Variants in SLC24A3 observed in about 807,000 individuals in gnomAD.
SLC24A3 encodes sodium/potassium/calcium exchanger 3.
SLC24A3 carries 28 observed loss-of-function variants against 75.8 expected under a neutral mutation model. The observed-to-expected ratio is 0.37, with a 90% CI of 0.27 to 0.51. The LOEUF (loss-of-function observed/expected upper bound fraction) is 0.51, where lower values mean the gene tolerates loss of function less well. Among genes scored for constraint, SLC24A3 ranks in the 20% least tolerant of loss-of-function variants. The pLI is 0.94. For missense variants in SLC24A3, 663 were observed against 847.8 expected, an observed-to-expected ratio of 0.78 and a Z score of 2.71; for synonymous variants, 372 against 334.1, an observed-to-expected ratio of 1.11 and a Z score of -1.24.
At chr20:19,301,732 A>G (rs1313990696) in intron 2 of SLC24A3, among the ~76,000 whole-genome samples, 1 of 152,022 alleles carries the variant, frequency 6.6e-6, no homozygotes, top group Admixed American at 6.6e-5. Flanking sequence ...CTTATGTGAC[A>G]TGGTTTGATG....
chr20:19,626,636 C>T (rs1400881429), intron 6 of SLC24A3, among the ~76,000 whole-genome samples: 1 of 152,118 alleles, frequency 6.6e-6, no homozygotes, highest in African/African-American at 2.4e-5. Context: ...ATGTATAGTC[C>T]TTAATGCTGG....
chr20:19,417,553 T>C (rs1986848919), intron 2 of SLC24A3, among the ~76,000 whole-genome samples: 1 of 152,174 alleles, frequency 6.6e-6, no homozygotes, highest in African/African-American at 2.4e-5. Context: ...CTGATTCACA[T>C]TGAGAAACCT....
At chr20:19,552,682 T>C (rs934437080) in intron 3 of SLC24A3, among the ~76,000 whole-genome samples, 78 of 152,330 alleles carry the variant, frequency 5.1e-4, no homozygotes, top group South Asian at 8.3e-4. Flanking sequence ...GGTTAAACAA[T>C]TCAAAAGATT....
intron 6 of SLC24A3, among the ~76,000 whole-genome samples, chr20:19,651,799 T>G (rs1018783391): frequency 2.0e-5 from 3 of 148,014 alleles, no homozygotes; most frequent in Non-Finnish European, 3.0e-5. Context: ...AGGCAGAGCT[T>G]GCAGTGAGCC....
At chr20:19,603,596 T>C (rs1234130954) in intron 6 of SLC24A3, among the ~76,000 whole-genome samples, 1 of 152,210 alleles carries the variant, frequency 6.6e-6, no homozygotes, top group Non-Finnish European at 1.5e-5. Context: ...ACTTGGCAGT[T>C]GTTTGAAAGC....
intron 3 of SLC24A3, among the ~76,000 whole-genome samples, chr20:19,550,494 C>G (rs537701542): frequency 5.3e-5 from 8 of 152,146 alleles, no homozygotes; most frequent in Non-Finnish European, 7.3e-5. Context: ...GTTCTACCTT[C>G]TTGACTTATG....
chr20:19,677,293 CAAAA>C (rs5840854), intron 9 of SLC24A3, among the ~76,000 whole-genome samples: 2 of 102,630 alleles, frequency 1.9e-5, no homozygotes, highest in African/African-American at 3.3e-5. Context: ...GACCCCGTTC[CAAAA>C]AAAAAAAAAA....
chr20:19,500,187 C>A (rs1988363532), intron 2 of SLC24A3, among the ~76,000 whole-genome samples: 1 of 152,118 alleles, frequency 6.6e-6, no homozygotes, highest in Non-Finnish European at 1.5e-5. Context: ...TGGAAAGAAC[C>A]ATTTACCTGA....
chr20:19,686,003 A>G (rs767179103), intron 12 of SLC24A3, among the ~76,000 whole-genome samples: 22 of 152,198 alleles, frequency 1.4e-4, no homozygotes, highest in Non-Finnish European at 3.1e-4. Flanking sequence ...AGACAAATGT[A>G]AGTTTCGCAA....
intron 7 of SLC24A3, among the ~76,000 whole-genome samples, chr20:19,656,431 A>T (rs1252540279): frequency 6.6e-6 from 1 of 152,120 alleles, no homozygotes; most frequent in African/African-American, 2.4e-5. Flanking sequence ...ATTTAAGGAC[A>T]TACATGAACT....
At position 19,680,304 on chromosome 20, in the gene SLC24A3, A is replaced by G. The variant is rs1184039340; in HGVS notation, c.768-1554A>G. 3.3e-5 allele frequency among the ~76,000 whole-genome samples: 5 copies of G among 151,304 alleles called. No individual in the cohort carries two copies. In the East Asian group the frequency reaches 5.8e-4, roughly 18 times the overall value. On this transcript the variant is annotated intron_variant, in intron 9 of 16. Coordinates refer to ENST00000328041, the MANE Select transcript of SLC24A3 (RefSeq NM_020689.4). ...TGATTATATCCCATGCTGTGGTGCA[A>G]TCTGTTCCCTTGGCCTATGTGTTTC...
At chr20:19,657,358 G>A (rs554073788) in intron 7 of SLC24A3, among the ~76,000 whole-genome samples, 95 of 152,254 alleles carry the variant, frequency 6.2e-4, no homozygotes, top group African/African-American at 2.2e-3. Context: ...GTAGGGCCTG[G>A]GAAATTGCAT....
chr20:19,647,736 G>T (rs984026778), intron 6 of SLC24A3, among the ~76,000 whole-genome samples: 2 of 152,200 alleles, frequency 1.3e-5, no homozygotes, highest in African/African-American at 4.8e-5. Context: ...GCATCTCCAG[G>T]TCATTATGAG....
intron 2 of SLC24A3, among the ~76,000 whole-genome samples, chr20:19,489,557 C>G (rs1293322342): frequency 2.0e-5 from 3 of 152,096 alleles, no homozygotes; most frequent in Admixed American, 1.3e-4. Context: ...ATATTTCTCT[C>G]TTTTATGGAT....
intron 3 of SLC24A3, among the ~76,000 whole-genome samples, chr20:19,568,084 G>A (rs2030989493): frequency 6.6e-6 from 1 of 152,168 alleles, no homozygotes; most frequent in African/African-American, 2.4e-5. Context: ...ACCACAGTAA[G>A]ATACCACTTC....
At chr20:19,419,368 T>C (rs1479312544) in intron 2 of SLC24A3, among the ~76,000 whole-genome samples, 4 of 125,404 alleles carry the variant, frequency 3.2e-5, no homozygotes, top group Non-Finnish European at 1.6e-5. Flanking sequence ...AGCTAGCTTC[T>C]TTTTTTTTTT....
At position 19,603,896 on chromosome 20, in the gene SLC24A3, G is replaced by A. The variant is rs946181341; in HGVS notation, c.612+18352G>A. 5.9e-5 allele frequency among the ~76,000 whole-genome samples: 9 copies of A among 152,282 alleles called. No individual in the cohort carries two copies. The East Asian group carries it at 1.7e-3, about 29-fold the overall frequency. On this transcript the variant is annotated intron_variant, in intron 6 of 16. Coordinates refer to ENST00000328041, the MANE Select transcript of SLC24A3 (RefSeq NM_020689.4). ...AGCAATGGTAGCCTCTGTTACCCCT[G>A]GGTCTGTGCTGAGCCCCATCATTCA...
chr20:19,393,060 T>A (rs1174442456), intron 2 of SLC24A3, among the ~76,000 whole-genome samples: 1 of 152,172 alleles, frequency 6.6e-6, no homozygotes, highest in African/African-American at 2.4e-5. Flanking sequence ...AGTAGTTCAA[T>A]CATGATCTGG....
At chr20:19,400,165 A>G (rs562527259) in intron 2 of SLC24A3, among the ~76,000 whole-genome samples, 134 of 151,668 alleles carry the variant, frequency 8.8e-4, no homozygotes, top group African/African-American at 3.1e-3. Context: ...CTGTTTTTCT[A>G]CTCCTTTGTA....
Sources: gnomAD v4.1 joint callset for allele counts (sites outside exome capture counted in the v4.1 genomes callset) on GRCh38, gnomAD v4.1.1 for gene constraint, MANE v1.5 for transcripts, NCBI Gene and HGNC (gene_info 2026-07-23, HGNC 2026-07-21) for gene names.